Variants in ABCB1 observed in about 807,000 individuals in gnomAD.
ABCB1 encodes ATP-dependent translocase ABCB1.
A neutral mutation model predicts 142.0 loss-of-function variants in ABCB1; 69 were observed. That is an observed-to-expected ratio of 0.49 (90% CI 0.40 to 0.59). The LOEUF is 0.59. Among genes scored for constraint, ABCB1 ranks in the 20% least tolerant of loss-of-function variants. The probability of loss-of-function intolerance (pLI) is 0.00; values close to 1 mark genes in which losing one functional copy is unlikely to be tolerated. For missense variants in ABCB1, 1,326 were observed against 1,554.7 expected (o/e 0.85, Z 2.47); for synonymous variants, 532 against 539.2 (o/e 0.99, Z 0.18).
At chr7:87,542,320 A>G (rs1816574748) in intron 17 of ABCB1, among the ~76,000 whole-genome samples, 1 of 152,220 alleles carries the variant, frequency 6.6e-6, no homozygotes, top group South Asian at 2.1e-4. Flanking sequence ...ATTCATATAT[A>G]CTATTCCTCT....
Position 87,536,609 on chromosome 7 carries a change from C to T in ABCB1, c.2398-68G>A, listed in dbSNP as rs561506121. The T allele has an allele frequency of 1.8e-4, 257 of 1,451,028 alleles. 1 individual carries two copies. Among genetic ancestry groups the T allele is most frequent in the Non-Finnish European group, 2.4e-4 (248 of 1,034,264 alleles). 89.9% of individuals were successfully genotyped at this position (1,451,028 alleles called of 1,614,324 possible). On this transcript the variant is annotated intron_variant, in intron 19 of 27. Transcript: ENST00000622132. The stretch of plus-strand genomic sequence containing the variant: ...GAGACTCTCAGCTCCAAGAGGGCAG[C>T]GATGGGGTCAGTTTTGTTTATACTT...
intron 1 of ABCB1, among the ~76,000 whole-genome samples, chr7:87,702,497 C>G (rs1829180515): frequency 6.6e-6 from 1 of 152,084 alleles, no homozygotes; most frequent in Admixed American, 6.5e-5. Context: ...CCAGGCTAGT[C>G]TAGAAATCCT....
intron 9 of ABCB1, among the ~76,000 whole-genome samples, chr7:87,553,170 T>A (rs1202262990): frequency 6.6e-6 from 1 of 152,160 alleles, no homozygotes; most frequent in Non-Finnish European, 1.5e-5. Flanking sequence ...TTGGCACAAA[T>A]AATCTCAACA....
At chr7:87,597,861 T>C (rs536693649) in intron 2 of ABCB1, among the ~76,000 whole-genome samples, 224 of 152,316 alleles carry the variant, frequency 1.5e-3, no homozygotes, top group Non-Finnish European at 2.4e-3. Context: ...ATAGGATTTT[T>C]TCCTTGTTGA....
intron 1 of ABCB1, chr7:87,710,621 A>C: frequency 1.2e-6 from 2 of 1,602,986 alleles, no homozygotes; most frequent in Admixed American, 3.4e-5. Context: ...ATCTGAATAC[A>C]TCTCTACAGC....
chr7:87,585,461 C>T (rs745497900), intron 4 of ABCB1, 51 bp downstream of exon 4: 3 of 1,587,392 alleles, frequency 1.9e-6, no homozygotes, highest in Non-Finnish European at 2.6e-6. Flanking sequence ...ACTCTAAGTG[C>T]TTGTTTTTGC....
chr7:87,635,977 A>G (rs190262534), intron 1 of ABCB1, among the ~76,000 whole-genome samples: 41 of 152,190 alleles, frequency 2.7e-4, no homozygotes, highest in Non-Finnish European at 5.4e-4. Context: ...ATATACCACA[A>G]TATTTCCATT....
At chr7:87,508,694 A>C (rs1387709401) in intron 26 of ABCB1, among the ~76,000 whole-genome samples, 2 of 152,148 alleles carry the variant, frequency 1.3e-5, no homozygotes, top group East Asian at 3.9e-4. Flanking sequence ...TGGTCACTTT[A>C]ATGGTTCAAC....
Position 87,698,192 on chromosome 7 carries a change from C to T in ABCB1, c.-331+14969G>A, listed in dbSNP as rs370043837. On this transcript the variant is annotated intron_variant, in intron 1 of 28. Coordinates refer to the ABCB1 transcript ENST00000265724. ...TCGGCTCACTGCAAGCTCCACCTCCCGGGTTCACGCCATTCTCCTGCCTCA... is the reference window on the plus strand; with the variant it reads ...TCGGCTCACTGCAAGCTCCACCTCCTGGGTTCACGCCATTCTCCTGCCTCA... Among the ~76,000 whole-genome samples the T allele has an allele frequency of 1.5e-4, 23 of 152,254 alleles. No individual in the cohort carries two copies. In the South Asian group the frequency reaches 3.7e-3, roughly 25 times the overall value.
chr7:87,661,639 T>C (rs1342391249), intron 1 of ABCB1, among the ~76,000 whole-genome samples: 1 of 151,896 alleles, frequency 6.6e-6, no homozygotes, highest in Non-Finnish European at 1.5e-5. Flanking sequence ...TTGTGTATAT[T>C]TACCACATTT....
rs1364806323 is a variant in ABCB1 at position 87,621,259 on chromosome 7, AT to A, written c.-330-20182del. ...CTAACCTTACGAGATGTTAAAAATA[AT>A]TACCAGGCTTTGCCACTTATTAGAT... is the stretch of plus-strand genomic sequence containing the variant. On this transcript the variant is annotated intron_variant, in intron 1 of 28. Transcript: ENST00000265724. Among the ~76,000 whole-genome samples the A allele has an allele frequency of 1.2e-4, 19 of 152,296 alleles. 1 individual carries two copies. Among genetic ancestry groups the A allele is most frequent in the African/African-American group, 4.6e-4 (19 of 41,584 alleles).
chr7:87,528,284 G>A lies in ABCB1; in HGVS notation c.2685+3010C>T, dbSNP rs540222256. 2.8e-4 allele frequency among the ~76,000 whole-genome samples: 42 copies of A among 152,244 alleles called. 1 individual carries two copies. The South Asian group carries it at 8.5e-3, about 31-fold the overall frequency. On this transcript the variant is annotated intron_variant, in intron 21 of 27. Coordinates refer to ENST00000622132, the MANE Select transcript of ABCB1 (RefSeq NM_001348946.2). ...GAATGGTGACTTATATGGTCTGTAA[G>A]TGTTTGTGTGCATAAAATTTGATCA...
intron 8 of ABCB1, among the ~76,000 whole-genome samples, chr7:87,555,972 T>G (rs765804348): frequency 2.6e-5 from 4 of 152,128 alleles, no homozygotes; most frequent in Non-Finnish European, 5.9e-5. Flanking sequence ...AGAAAATCAT[T>G]TAGACATCAG....
At chr7:87,700,904 T>C (rs1828975930) in intron 1 of ABCB1, among the ~76,000 whole-genome samples, 1 of 152,238 alleles carries the variant, frequency 6.6e-6, no homozygotes, top group Non-Finnish European at 1.5e-5. Context: ...TAGCACGAAT[T>C]AATGCAGTGA....
rs1276767679 is a variant in ABCB1 at position 87,649,660 on chromosome 7, G to T, written c.-330-48582C>A. Among the ~76,000 whole-genome samples, 6 of 152,194 alleles carry T rather than the reference G, an allele frequency of 3.9e-5. No individual in the cohort carries two copies. In the South Asian group the frequency reaches 6.2e-4, roughly 16 times the overall value. On this transcript the variant is annotated intron_variant, in intron 1 of 28. Transcript: ENST00000265724. The stretch of plus-strand genomic sequence containing the variant: ...TACACTTTACAGATTTGCAGGTTTT[G>T]CTATTTATAAGCTCATAAAAATTTT...
chr7:87,686,368 G>A (rs1174377984), intron 1 of ABCB1, among the ~76,000 whole-genome samples: 2 of 152,190 alleles, frequency 1.3e-5, no homozygotes, highest in African/African-American at 4.8e-5. Flanking sequence ...CGAGCATGGT[G>A]TAACACAAAG....
chr7:87,578,442 T>G (rs1275816391), intron 4 of ABCB1, among the ~76,000 whole-genome samples: 1 of 152,188 alleles, frequency 6.6e-6, no homozygotes, highest in African/African-American at 2.4e-5. Flanking sequence ...TTTTTTCTAT[T>G]TCTGTGAAGA....
chr7:87,546,418 C>T (rs1164300325), intron 14 of ABCB1, among the ~76,000 whole-genome samples: 5 of 152,020 alleles, frequency 3.3e-5, no homozygotes. Context: ...GAAACCCCAT[C>T]TCTACTAAAA....
chr7:87,588,260 T>C (rs1818846824), intron 3 of ABCB1, among the ~76,000 whole-genome samples: 1 of 152,108 alleles, frequency 6.6e-6, no homozygotes, highest in Non-Finnish European at 1.5e-5. Context: ...GGGGTTGTTG[T>C]ACAGATTATT....
Sources: gnomAD v4.1 joint callset for allele counts (sites outside exome capture counted in the v4.1 genomes callset) on GRCh38, gnomAD v4.1.1 for gene constraint, MANE v1.5 for transcripts, NCBI Gene and HGNC (gene_info 2026-07-23, HGNC 2026-07-21) for gene names.